The following IPO8 variants were observed in gnomAD, a reference collection of about 807,000 sequenced individuals.
The protein encoded by IPO8 is importin 8.
In IPO8, 65 loss-of-function variants were observed where a neutral mutation model predicts 141.2. That is an observed-to-expected ratio of 0.46 (90% CI 0.38 to 0.57). The LOEUF is 0.57. Among genes scored for constraint, IPO8 ranks in the 20% least tolerant of loss-of-function variants. The pLI is 0.00. For missense variants in IPO8, 980 were observed against 1,246.8 expected (o/e 0.79, Z 3.22); for synonymous variants, 411 against 420.3 (o/e 0.98, Z 0.27).
intron 2 of IPO8, among the ~76,000 whole-genome samples, chr12:30,687,285 T>G (rs1325378555): frequency 6.6e-6 from 1 of 152,242 alleles, no homozygotes; most frequent in Non-Finnish European, 1.5e-5. Context: ...ATTTTATAAA[T>G]GTATTTCAGA....
At chr12:30,650,538 C>T (rs11051010) in intron 19 of IPO8, among the ~76,000 whole-genome samples, 27,881 of 152,000 alleles carry the variant, frequency 0.18, 3,150 homozygotes, top group East Asian at 0.29. Flanking sequence ...AACCAGGCTG[C>T]TTAGGTTCAA....
At chr12:30,653,458 C>A (rs1445833546) in intron 17 of IPO8, among the ~76,000 whole-genome samples, 1 of 151,906 alleles carries the variant, frequency 6.6e-6, no homozygotes, top group African/African-American at 2.4e-5. Flanking sequence ...TTAAAATGTA[C>A]AAATAATTAA....
At chr12:30,685,062 A>G (rs1353537703) in intron 2 of IPO8, among the ~76,000 whole-genome samples, 1 of 152,130 alleles carries the variant, frequency 6.6e-6, no homozygotes, top group Non-Finnish European at 1.5e-5. Flanking sequence ...ATCGTCTTCA[A>G]CCTTTAACAA....
Position 30,666,076 on chromosome 12 carries a change from G to A in IPO8, c.1221+99C>T, listed in dbSNP as rs186299471. On this transcript the variant is annotated intron_variant, in intron 11 of 24. Transcript: ENST00000256079. ...AATCCTTAAGGTGACAAATTATAACGAATAACAACATAATTTCTCAAATAC... is the reference window on the plus strand; with the variant it reads ...AATCCTTAAGGTGACAAATTATAACAAATAACAACATAATTTCTCAAATAC... 468 of 826,580 alleles carry A rather than the reference G, an allele frequency of 5.7e-4. 1 individual carries two copies. In the Middle Eastern group the frequency reaches 9.1e-3, roughly 16 times the overall value. 51.2% of individuals were successfully genotyped at this position (826,580 alleles called of 1,614,324 possible).
Position 30,674,058 on chromosome 12 carries a change from T to C in IPO8, c.841A>G (p.Asn281Asp). 6.3e-7 allele frequency: 1 copy of C among 1,580,636 alleles called. No individual in the cohort carries two copies. The highest frequency in any genetic ancestry group is 8.7e-7 in the Non-Finnish European group (1 of 1,155,114). ...AATTCAAAGTATTCTTTTGTGACAT[T>C]TCCTGGGCTTCCATATCTTAAAATA... ...RLFERYGSPG[N>D]VTKEYFEFSE... Residue 281 changes from asparagine to aspartate, a missense_variant, in exon 8 of 25, where the codon AAT becomes GAT. Transcript: ENST00000256079.
intron 4 of IPO8, among the ~76,000 whole-genome samples, chr12:30,681,174 CACA>C (rs1398794407): frequency 6.6e-6 from 1 of 152,118 alleles, no homozygotes; most frequent in Non-Finnish European, 1.5e-5. Flanking sequence ...ACTTCATATA[CACA>C]TGTAGCAATC....
rs139239556 is a variant in IPO8 at position 30,681,747 on chromosome 12, C to T, written c.394G>A (p.Asp132Asn). ...GATTGCAAGTAATAGTCTATCTTGTCGACCACTCCTGGCCAGTGACCAGGA... is the reference window on the plus strand; with the variant it reads ...GATTGCAAGTAATAGTCTATCTTGTTGACCACTCCTGGCCAGTGACCAGGA... ...DFPGHWPGVV[D>N]KIDYYLQSQS... Residue 132 changes from aspartate to asparagine, a missense_variant, in exon 4 of 25, where the codon GAC (aspartate) becomes AAC (asparagine). Transcript: ENST00000256079. 1.9e-6 allele frequency: 3 copies of T among 1,613,794 alleles called. No homozygotes were observed. Among genetic ancestry groups the T allele is most frequent in the African/African-American group, 1.3e-5 (1 of 75,026 alleles).
chr12:30,669,647 T>A (rs1214032062), intron 9 of IPO8, among the ~76,000 whole-genome samples: 4 of 151,802 alleles, frequency 2.6e-5, no homozygotes, highest in Non-Finnish European at 5.9e-5. Context: ...CATAAAAACG[T>A]AGCCAAGCAT....
At chr12:30,686,581 C>G (rs1390099427) in intron 2 of IPO8, 1 of 152,138 alleles carries the variant, frequency 6.6e-6, no homozygotes, top group Non-Finnish European at 1.5e-5. Context: ...CTCCTGGGCT[C>G]AAGTGATCCA....
intron 13 of IPO8, among the ~76,000 whole-genome samples, chr12:30,663,855 T>C (rs1388896192): frequency 1.3e-5 from 2 of 152,182 alleles, no homozygotes; most frequent in African/African-American, 2.4e-5. Context: ...AAATTACCCA[T>C]ATGCAATAAC....
chr12:30,649,039 T>C, intron 20 of IPO8, 98 bp downstream of exon 20: 1 of 800,956 alleles, frequency 1.2e-6, no homozygotes, highest in Non-Finnish European at 2.1e-6. Context: ...CTATAGGCTG[T>C]CCTTTCCATT....
At position 30,674,803 on chromosome 12, in the gene IPO8, T is replaced by C. The variant is rs773955183; in HGVS notation, c.730-50A>G. ...TAAAGTTCTGCATAATAAAAGGATT[T>C]ATGTGAATAACAAAGGCAAGATAAA... On this transcript the variant is annotated intron_variant, in intron 6 of 24. Coordinates refer to ENST00000256079, the MANE Select transcript of IPO8 (RefSeq NM_006390.4). 1.8e-5 allele frequency: 21 copies of C among 1,172,020 alleles called. 1 individual carries two copies. The highest frequency in any genetic ancestry group is 2.7e-5 in the Non-Finnish European group (21 of 777,464). 72.6% of individuals were successfully genotyped at this position (1,172,020 alleles called of 1,614,324 possible).
chr12:30,688,482 G>T, intron 2 of IPO8: 1 of 388,590 alleles, frequency 2.6e-6, no homozygotes, highest in Non-Finnish European at 5.0e-6. Context: ...GCTTTATACA[G>T]GCTTTCTTTT....
At chr12:30,658,795 A>T (rs1318783413) in intron 16 of IPO8, among the ~76,000 whole-genome samples, 1 of 152,080 alleles carries the variant, frequency 6.6e-6, no homozygotes, top group Non-Finnish European at 1.5e-5. Context: ...ATACAGAAGG[A>T]CACAAAAATA....
At chr12:30,683,388 G>A (rs1260574010) in intron 3 of IPO8, among the ~76,000 whole-genome samples, 1 of 152,058 alleles carries the variant, frequency 6.6e-6, no homozygotes, top group Non-Finnish European at 1.5e-5. Context: ...CTTATGTCAT[G>A]ATGGCTATTA....
chr12:30,652,333 T>C (rs371101146), intron 18 of IPO8, 44 bp from the exon 19 acceptor site: 7 of 1,126,116 alleles, frequency 6.2e-6, no homozygotes, highest in African/African-American at 1.5e-5. Flanking sequence ...GTGACAGAAA[T>C]AGAAATAAAT....
intron 2 of IPO8, chr12:30,688,541 T>C: frequency 3.7e-6 from 1 of 269,534 alleles, no homozygotes. Flanking sequence ...TAAAGATAAA[T>C]TATCTTTCTA....
chr12:30,650,882 CT>C (rs2052717485), intron 19 of IPO8, among the ~76,000 whole-genome samples: 1 of 151,874 alleles, frequency 6.6e-6, no homozygotes, highest in South Asian at 2.1e-4. Context: ...TCTTAGTTTC[CT>C]TTTGATACAA....
chr12:30,683,034 GC>G (rs2136171277), intron 3 of IPO8, among the ~76,000 whole-genome samples: 2 of 152,132 alleles, frequency 1.3e-5, no homozygotes, highest in African/African-American at 4.8e-5. Flanking sequence ...TAAAACTGAA[GC>G]TTTTCATTTT....
Sources: gnomAD v4.1 joint callset for allele counts (sites outside exome capture counted in the v4.1 genomes callset) on GRCh38, gnomAD v4.1.1 for gene constraint, MANE v1.5 for transcripts, NCBI Gene and HGNC (gene_info 2026-07-23, HGNC 2026-07-21) for gene names.